Variants in SAMD4A observed in about 807,000 individuals in gnomAD.
SAMD4A encodes sterile alpha motif domain containing 4A, also known as protein Smaug homolog 1.
In SAMD4A, 33 loss-of-function variants were observed where a neutral mutation model predicts 81.3. The ratio of observed to expected loss-of-function variants is 0.41; its 90% CI spans 0.31 to 0.54. SAMD4A has a LOEUF of 0.54. Ranked by LOEUF, SAMD4A falls within the 20% of genes least tolerant of loss-of-function variation. The pLI is 0.37. For synonymous variants in SAMD4A, 389 were observed against 382.1 expected, an observed-to-expected ratio of 1.02 and a Z score of -0.21; for missense variants, 854 against 951.1, an observed-to-expected ratio of 0.90 and a Z score of 1.34.
intron 6 of SAMD4A, among the ~76,000 whole-genome samples, chr14:54,759,322 C>A (rs1174829815): frequency 6.6e-6 from 1 of 152,166 alleles, no homozygotes; most frequent in Non-Finnish European, 1.5e-5. Flanking sequence ...GACACCATTG[C>A]CCACCTGCTC....
chr14:54,676,125 A>G (rs982216773), intron 2 of SAMD4A, among the ~76,000 whole-genome samples: 1 of 152,210 alleles, frequency 6.6e-6, no homozygotes, highest in Non-Finnish European at 1.5e-5. Context: ...ATGATCCTGT[A>G]CAAAGGAGCC....
Position 54,567,295 on chromosome 14 carries a change from T to A in SAMD4A, c.-465T>A, listed in dbSNP as rs1270509910. The A allele has an allele frequency of 6.6e-6, 1 of 152,236 alleles. No individual in the cohort carries two copies. The highest frequency in any genetic ancestry group is 1.9e-4 in the East Asian group (1 of 5,180). 9.4% of individuals were successfully genotyped at this position (152,236 alleles called of 1,614,324 possible). A position where few individuals can be genotyped will look rare whatever the true frequency, so the allele number is the denominator to read the frequency against. On this transcript the variant is annotated 5_prime_UTR_variant, in exon 1 of 13. Transcript: ENST00000554335. ...CTCCTCCCGCACCTGGGAAGCAGGC[T>A]TCTCGCTGTTACCCGGTGGGGAATA...
intron 2 of SAMD4A, among the ~76,000 whole-genome samples, chr14:54,701,614 A>T (rs568793965): frequency 1.3e-5 from 2 of 152,320 alleles, no homozygotes; most frequent in African/African-American, 4.8e-5. Context: ...CAGGATTTAA[A>T]TCACTTTCAA....
intron 3 of SAMD4A, among the ~76,000 whole-genome samples, chr14:54,722,696 A>T (rs2037293621): frequency 1.3e-5 from 2 of 152,256 alleles, no homozygotes; most frequent in African/African-American, 4.8e-5. Context: ...ATTAGATGAT[A>T]TTCATCTAAT....
At chr14:54,621,393 A>C (rs561896401) in intron 2 of SAMD4A, among the ~76,000 whole-genome samples, 2 of 150,612 alleles carry the variant, frequency 1.3e-5, no homozygotes, top group East Asian at 3.9e-4. Context: ...TGTGTCCCCC[A>C]GGCTGGAGTG....
At chr14:54,570,728 C>T (rs1464226657) in intron 2 of SAMD4A, among the ~76,000 whole-genome samples, 1 of 152,170 alleles carries the variant, frequency 6.6e-6, no homozygotes, top group African/African-American at 2.4e-5. Context: ...GGAAATAATA[C>T]ATTTTTAGAT....
Position 54,737,086 on chromosome 14 carries a change from A to C in SAMD4A, c.778A>C (p.Asn260His). 1 of 1,614,008 alleles carries C rather than the reference A, an allele frequency of 6.2e-7. No homozygotes were observed. Among genetic ancestry groups the C allele is most frequent in the Non-Finnish European group, 8.5e-7 (1 of 1,179,978 alleles). The change falls in exon 4 of 13, where the codon AAT (asparagine) becomes CAT (histidine). Residue 260 changes from asparagine to histidine, a missense_variant. Asn to His is a moderately conservative substitution (Grantham distance 68). Transcript: ENST00000554335. ...ATCTGTGTCCCTTACCCCACCCATG[A>C]ATGTGCCAAACCAGCCTCTAGGACA... ...KRSVSLTPPM[N>H]VPNQPLGHGW...
In SAMD4A at chr14:54,568,081, G is replaced by C; in HGVS notation, c.165G>C (p.Leu55=). The change falls in exon 2 of 13, where the codon CTG becomes CTC. Residue 55 remains leucine, a synonymous_variant. Transcript: ENST00000554335. ...ACTCGCTGGCCGACTGCGCCGAGCT[G>C]CACGTCCTCGAACGCGAGGCCAACA... ...LEHSLADCAE[L]HVLEREANSP... 1 of 1,572,274 alleles carries C rather than the reference G, an allele frequency of 6.4e-7. No homozygotes were observed. Among genetic ancestry groups the C allele is most frequent in the Non-Finnish European group, 8.6e-7 (1 of 1,167,214 alleles).
At chr14:54,735,507 C>T (rs1188416746) in intron 3 of SAMD4A, among the ~76,000 whole-genome samples, 1 of 152,172 alleles carries the variant, frequency 6.6e-6, no homozygotes, top group Non-Finnish European at 1.5e-5. Context: ...CCTTTTCATT[C>T]ATAAAGAAGT....
At position 54,605,904 on chromosome 14, in the gene SAMD4A, A is replaced by G. The variant is rs1029463498; in HGVS notation, c.196+37792A>G. ...TACAGACATTTTGAGGAACTCATAT[A>G]TTTACAACATGCTTGCTAAATAGTC... On this transcript the variant is annotated intron_variant, in intron 2 of 12. Coordinates refer to ENST00000554335, the MANE Select transcript of SAMD4A (RefSeq NM_015589.6). 5.8e-4 allele frequency among the ~76,000 whole-genome samples: 89 copies of G among 152,244 alleles called. 1 individual carries two copies. Among genetic ancestry groups the G allele is most frequent in the African/African-American group, 2.1e-3 (86 of 41,536 alleles).
chr14:54,697,519 T>C (rs1486676398), intron 2 of SAMD4A, among the ~76,000 whole-genome samples: 1 of 152,126 alleles, frequency 6.6e-6, no homozygotes, highest in Non-Finnish European at 1.5e-5. Flanking sequence ...CCAAAGGTTG[T>C]TTTGTGAGTG....
At chr14:54,578,344 G>C (rs1010859242) in intron 2 of SAMD4A, among the ~76,000 whole-genome samples, 2 of 152,050 alleles carry the variant, frequency 1.3e-5, no homozygotes, top group African/African-American at 2.4e-5. Context: ...AAACTATTGA[G>C]AGCAGAGGAG....
chr14:54,585,804 A>G (rs2140161810), intron 2 of SAMD4A, among the ~76,000 whole-genome samples: 2 of 152,246 alleles, frequency 1.3e-5, no homozygotes, highest in Middle Eastern at 6.8e-3. Flanking sequence ...GTATTTCATG[A>G]CGTATATATC....
intron 12 of SAMD4A, among the ~76,000 whole-genome samples, chr14:54,788,579 C>T (rs533722462): frequency 3.3e-5 from 5 of 152,312 alleles, no homozygotes; most frequent in Admixed American, 1.3e-4. Flanking sequence ...CCTTCCTCCA[C>T]GATCCTGCTC....
chr14:54,705,251 T>G (rs1167508512), intron 3 of SAMD4A, among the ~76,000 whole-genome samples: 1 of 151,894 alleles, frequency 6.6e-6, no homozygotes, highest in African/African-American at 2.4e-5. Context: ...ATATGCAGAG[T>G]CTTTGCCCTC....
rs530777710 is a variant in SAMD4A, at chr14:54,693,032, G to C, written c.197-9030G>C. ...TCCTTTTCACGAAGATTACTTTAAT[G>C]GGTGTCAGTTACAATCACAAAAAGC... On this transcript the variant is annotated intron_variant, in intron 2 of 12. Transcript: ENST00000554335. The C allele has an allele frequency of 1.8e-4, 27 of 152,110 alleles. No individual in the cohort carries two copies. The East Asian group carries it at 4.8e-3, about 27-fold the overall frequency. The allele number at this position is 152,110 out of a possible 1,614,324, so 9.4% of individuals were successfully genotyped here.
intron 10 of SAMD4A, 65 bp downstream of exon 10, chr14:54,775,200 C>T (rs1422769448): frequency 6.3e-7 from 1 of 1,582,956 alleles, no homozygotes. Flanking sequence ...CAGATGTCCC[C>T]CCAGGTGACC....
intron 2 of SAMD4A, chr14:54,687,212 C>A (rs2036295379): frequency 2.6e-6 from 1 of 379,806 alleles, no homozygotes; most frequent in Non-Finnish European, 5.1e-6. Context: ...CAGCACTGTT[C>A]CTCTTAATGT....
At chr14:54,711,167 A>G (rs2036980960) in intron 3 of SAMD4A, among the ~76,000 whole-genome samples, 1 of 152,234 alleles carries the variant, frequency 6.6e-6, no homozygotes, top group Non-Finnish European at 1.5e-5. Flanking sequence ...TCCAAAATAA[A>G]CAAGAAAATG....
Sources: allele counts gnomAD v4.1 joint callset (sites outside exome capture counted in the v4.1 genomes callset), GRCh38; gene constraint gnomAD v4.1.1; transcripts MANE v1.5; gene names NCBI Gene and HGNC (gene_info 2026-07-23, HGNC 2026-07-21).